Variants in FRMPD4 observed in about 807,000 individuals in gnomAD.
FRMPD4 encodes the protein FERM and PDZ domain-containing protein 4.
Under a neutral mutation model 94.1 loss-of-function variants are expected in FRMPD4, and 22 were observed. The observed-to-expected ratio is 0.23, with a 90% CI of 0.17 to 0.33. The LOEUF (loss-of-function observed/expected upper bound fraction) is 0.33. FRMPD4 is among the 10% of genes least tolerant of loss of function. The probability of loss-of-function intolerance (pLI) is 1.00; values close to 1 mark genes in which losing one functional copy is unlikely to be tolerated. For synonymous variants in FRMPD4, 631 were observed against 548.6 expected, an observed-to-expected ratio of 1.15 and a Z score of -2.10; for missense variants, 1,111 against 1,339.9, an observed-to-expected ratio of 0.83 and a Z score of 2.67.
At chrX:12,075,342 ATG>A (rs1224329312) in intron 3 of FRMPD4, among the ~76,000 whole-genome samples, 1 of 104,575 alleles carries the variant, frequency 9.6e-6, no homozygotes, top group Non-Finnish European at 2.0e-5. Flanking sequence ...GGGGGAGGTT[ATG>A]TGTGTGTGGG....
chrX:12,720,440 G>A, intron 16 of FRMPD4, 94 bp from the exon 17 acceptor site: 1 of 960,519 alleles, frequency 1.0e-6, no homozygotes, highest in African/African-American at 1.9e-5. Flanking sequence ...CTACAACCTT[G>A]AGAAATGACA....
intron 1 of FRMPD4, among the ~76,000 whole-genome samples, chrX:12,186,073 G>A (rs1443327770): frequency 9.0e-6 from 1 of 111,275 alleles, no homozygotes; most frequent in Non-Finnish European, 1.9e-5. Flanking sequence ...GTCTTTTATT[G>A]TTTGCATGCA....
intron 3 of FRMPD4, among the ~76,000 whole-genome samples, chrX:12,038,086 A>G (rs1385268418): frequency 8.9e-6 from 1 of 112,220 alleles, no homozygotes; most frequent in Non-Finnish European, 1.9e-5. Flanking sequence ...ATGCATTATT[A>G]GCATTAATAT....
At chrX:11,978,299 A>G (rs112967360) in intron 3 of FRMPD4, among the ~76,000 whole-genome samples, 5,395 of 82,678 alleles carry the variant, frequency 0.065, 241 homozygotes, top group East Asian at 0.25. Context: ...TCCAGCCTGG[A>G]TGACAGAGTG....
intron 1 of FRMPD4, among the ~76,000 whole-genome samples, chrX:12,259,835 A>G (rs1425831912): frequency 9.0e-6 from 1 of 111,275 alleles, no homozygotes; most frequent in African/African-American, 3.3e-5. Flanking sequence ...ATTTTTAGTC[A>G]TCTTCTGCTG....
chrX:11,994,239 C>T (rs1172287143), intron 3 of FRMPD4, among the ~76,000 whole-genome samples: 1 of 110,984 alleles, frequency 9.0e-6, no homozygotes, highest in African/African-American at 3.3e-5. Flanking sequence ...CCCCAAAGGT[C>T]CATAGTGCCA....
At chrX:12,408,241 C>T (rs377373636) in intron 1 of FRMPD4, among the ~76,000 whole-genome samples, 2 of 106,082 alleles carry the variant, frequency 1.9e-5, no homozygotes, top group African/African-American at 6.9e-5. Flanking sequence ...GTAGGACTTA[C>T]ATACTAGATG....
At chrX:12,628,088 C>T (rs150731399) in intron 4 of FRMPD4, among the ~76,000 whole-genome samples, 441 of 111,167 alleles carry the variant, frequency 4.0e-3, no homozygotes, top group Non-Finnish European at 5.6e-3. Flanking sequence ...GAGCTTACAG[C>T]GAAATCTATT....
intron 2 of FRMPD4, among the ~76,000 whole-genome samples, chrX:12,559,712 A>G (rs1342775300): frequency 9.0e-6 from 1 of 111,092 alleles, no homozygotes; most frequent in Non-Finnish European, 1.9e-5. Context: ...TTAAATAAAT[A>G]TTAACATAAT....
At chrX:11,828,868 A>G (rs1192929091) in intron 1 of FRMPD4, among the ~76,000 whole-genome samples, 1 of 112,586 alleles carries the variant, frequency 8.9e-6, no homozygotes, top group Non-Finnish European at 1.9e-5. Context: ...AGCAACACCT[A>G]AAAGTCAATC....
chrX:11,874,415 G>T (rs1443162604), intron 2 of FRMPD4, among the ~76,000 whole-genome samples: 1 of 112,396 alleles, frequency 8.9e-6, no homozygotes, highest in Non-Finnish European at 1.9e-5. Context: ...CTCCCAAGGT[G>T]CTGGGATTTC....
intron 3 of FRMPD4, among the ~76,000 whole-genome samples, chrX:12,086,078 CGTGTGTGTGTATGTGTGT>C (rs1287297012): frequency 1.9e-5 from 1 of 53,141 alleles, no homozygotes; most frequent in Non-Finnish European, 4.8e-5. Context: ...TGTCTGTGTG[CGTGTGTGTGTATGTGTGT>C]GTGTGTGTGT....
At chrX:11,902,725 T>C (rs2147330342) in intron 3 of FRMPD4, among the ~76,000 whole-genome samples, 1 of 111,336 alleles carries the variant, frequency 9.0e-6, no homozygotes, top group East Asian at 2.8e-4. Flanking sequence ...ATACTTGGCA[T>C]GGGAAATAAT....
At chrX:11,984,547 A>G (rs1354934268) in intron 3 of FRMPD4, among the ~76,000 whole-genome samples, 1 of 112,553 alleles carries the variant, frequency 8.9e-6, no homozygotes, top group Non-Finnish European at 1.9e-5. Flanking sequence ...ACAGAGTGGA[A>G]AGTTTGCTTG....
intron 1 of FRMPD4, among the ~76,000 whole-genome samples, chrX:12,376,646 G>GACACAC (rs112007203): frequency 2.7e-5 from 3 of 110,096 alleles, no homozygotes; most frequent in African/African-American, 9.9e-5. Flanking sequence ...CGTGCATGTG[G>GACACAC]ACACACACAC....
intron 2 of FRMPD4, among the ~76,000 whole-genome samples, chrX:12,563,171 G>A (rs2058675140): frequency 9.1e-6 from 1 of 109,380 alleles, no homozygotes; most frequent in South Asian, 3.9e-4. Context: ...AACTGTGAAG[G>A]GTCTGAAATG....
upstream of FRMPD4, among the ~76,000 whole-genome samples, chrX:12,136,713 G>A (rs2055600371): frequency 9.0e-6 from 1 of 110,804 alleles, no homozygotes; most frequent in Non-Finnish European, 1.9e-5. Context: ...GGGATGAGGA[G>A]GGACAGAGAA....
At chrX:12,444,615 C>T (rs1190394190) in intron 1 of FRMPD4, among the ~76,000 whole-genome samples, 1 of 111,752 alleles carries the variant, frequency 8.9e-6, no homozygotes, top group Admixed American at 9.5e-5. Flanking sequence ...AATTTATAAA[C>T]AAGAGAAATA....
intron 3 of FRMPD4, among the ~76,000 whole-genome samples, chrX:11,918,339 T>A (rs938340950): frequency 8.9e-6 from 1 of 111,873 alleles, no homozygotes; most frequent in Non-Finnish European, 1.9e-5. Context: ...GCGTGGTGGC[T>A]CATGCCTGTA....
Sources: gnomAD v4.1 joint callset for allele counts (sites outside exome capture counted in the v4.1 genomes callset) on GRCh38, gnomAD v4.1.1 for gene constraint, MANE v1.5 for transcripts, NCBI Gene and HGNC (gene_info 2026-07-23, HGNC 2026-07-21) for gene names.